Variants in LRRTM4 observed in about 807,000 individuals in gnomAD.
LRRTM4 encodes leucine-rich repeat transmembrane neuronal protein 4.
LRRTM4 carries 25 observed loss-of-function variants against 47.6 expected under a neutral mutation model. The ratio of observed to expected loss-of-function variants is 0.53; its 90% CI spans 0.38 to 0.73. LRRTM4 has a LOEUF of 0.73. Ranked by LOEUF, LRRTM4 falls within the 30% of genes least tolerant of loss-of-function variation. The probability of loss-of-function intolerance (pLI) is 0.00; values close to 1 mark genes in which losing one functional copy is unlikely to be tolerated. For synonymous variants in LRRTM4, 311 were observed against 269.5 expected (o/e 1.15, Z -1.51); for missense variants, 638 against 713.4 (o/e 0.89, Z 1.20).
At chr2:76,832,043 C>A (rs565716813) in intron 3 of LRRTM4, among the ~76,000 whole-genome samples, 1 of 152,104 alleles carries the variant, frequency 6.6e-6, no homozygotes. Context: ...GCCGGATACA[C>A]TGGAAACCCA....
chr2:77,486,203 G>C (rs1997526), intron 3 of LRRTM4, among the ~76,000 whole-genome samples: 34,567 of 152,084 alleles, frequency 0.23, 4,149 homozygotes, highest in Middle Eastern at 0.31. Flanking sequence ...ATTCAATAAA[G>C]CATTGTCATC....
chr2:77,516,535 T>C, intron 3 of LRRTM4: 2 of 834,762 alleles, frequency 2.4e-6, no homozygotes, highest in African/African-American at 1.8e-5. Flanking sequence ...TCTTTTTATA[T>C]ACCAGCCTTT....
intron 3 of LRRTM4, among the ~76,000 whole-genome samples, chr2:76,927,710 T>A (rs1056474955): frequency 6.6e-6 from 1 of 152,170 alleles, no homozygotes; most frequent in African/African-American, 2.4e-5. Flanking sequence ...TTGTGTATTA[T>A]GTCCTCAGTT....
intron 3 of LRRTM4, among the ~76,000 whole-genome samples, chr2:76,829,854 T>C (rs1223555145): frequency 1.3e-5 from 2 of 152,010 alleles, no homozygotes; most frequent in Non-Finnish European, 2.9e-5. Flanking sequence ...ATCATAACCG[T>C]CACTTAGACA....
At chr2:77,388,509 T>C (rs1012935778) in intron 3 of LRRTM4, among the ~76,000 whole-genome samples, 3 of 152,182 alleles carry the variant, frequency 2.0e-5, no homozygotes, top group African/African-American at 4.8e-5. Context: ...TTTTTTTCCA[T>C]GCAATTGTGT....
chr2:77,259,225 C>T (rs925310682), intron 3 of LRRTM4, among the ~76,000 whole-genome samples: 1 of 151,948 alleles, frequency 6.6e-6, no homozygotes. Context: ...CTGACTCTTC[C>T]AGTAACTGGC....
intron 3 of LRRTM4, among the ~76,000 whole-genome samples, chr2:77,027,811 T>C (rs1341487847): frequency 6.6e-6 from 1 of 152,142 alleles, no homozygotes; most frequent in African/African-American, 2.4e-5. Context: ...GTTTGTACAA[T>C]TTATACCAGG....
chr2:77,473,839 C>T (rs908803552), intron 3 of LRRTM4, among the ~76,000 whole-genome samples: 1 of 152,090 alleles, frequency 6.6e-6, no homozygotes, highest in African/African-American at 2.4e-5. Flanking sequence ...GCATTTTCTC[C>T]ATTTTCTTTG....
chr2:77,327,146 G>A (rs1413339623), intron 3 of LRRTM4, among the ~76,000 whole-genome samples: 3 of 152,180 alleles, frequency 2.0e-5, no homozygotes, highest in African/African-American at 4.8e-5. Context: ...CAAAAGGATA[G>A]CGGTCAAGCT....
At chr2:77,137,143 T>G (rs1458697607) in intron 3 of LRRTM4, among the ~76,000 whole-genome samples, 1 of 151,656 alleles carries the variant, frequency 6.6e-6, no homozygotes, top group Non-Finnish European at 1.5e-5. Flanking sequence ...AAGATACTCC[T>G]CAAGAAGAGC....
At chr2:77,004,258 C>T (rs567863039) in intron 3 of LRRTM4, among the ~76,000 whole-genome samples, 31 of 152,252 alleles carry the variant, frequency 2.0e-4, no homozygotes, top group African/African-American at 6.5e-4. Flanking sequence ...GCTCAGACGC[C>T]TAGGAGGGAA....
chr2:77,120,460 T>A (rs1365920427), intron 3 of LRRTM4, among the ~76,000 whole-genome samples: 2 of 151,682 alleles, frequency 1.3e-5, no homozygotes, highest in African/African-American at 4.8e-5. Flanking sequence ...AAGAAAGCAA[T>A]TTGAGAAAAT....
chr2:77,127,553 T>C (rs138877538), intron 3 of LRRTM4, among the ~76,000 whole-genome samples: 64 of 152,228 alleles, frequency 4.2e-4, no homozygotes, highest in Middle Eastern at 3.4e-3. Context: ...TATGGCACAT[T>C]TGAGATTAGA....
rs61718845 is a variant in LRRTM4 at position 77,075,914 on chromosome 2, C to CAAAAAAA, written c.1552-327005_1552-326999dup. ...TGGGCGACAGAGCGAGACTCCGTCTCAAAAAAAAAAAAAAAAAAAAAAAAA... is the reference window on the plus strand; with the variant it reads ...TGGGCGACAGAGCGAGACTCCGTCTCAAAAAAAAAAAAAAAAAAAAAAAAAAAAAAAA... On this transcript the variant is annotated intron_variant, in intron 3 of 3. Transcript: ENST00000409884. Among the ~76,000 whole-genome samples, 350 of 36,832 alleles carry CAAAAAAA rather than the reference C, an allele frequency of 9.5e-3. 33 individuals are homozygous for CAAAAAAA. The highest frequency in any genetic ancestry group is 0.016 in the African/African-American group (188 of 11,536). 24.2% of individuals were successfully genotyped at this position (36,832 alleles called of 152,430 possible).
intron 3 of LRRTM4, among the ~76,000 whole-genome samples, chr2:76,754,787 C>T (rs1465548825): frequency 6.6e-6 from 1 of 152,132 alleles, no homozygotes; most frequent in Non-Finnish European, 1.5e-5. Context: ...TTCCAGGAGC[C>T]TAACCTATCT....
intron 3 of LRRTM4, among the ~76,000 whole-genome samples, chr2:77,498,752 T>C (rs1283666279): frequency 6.6e-6 from 1 of 151,770 alleles, no homozygotes; most frequent in Non-Finnish European, 1.5e-5. Context: ...AACTAACTAT[T>C]TTTCCCATCC....
chr2:77,123,647 C>G (rs1558591478), intron 3 of LRRTM4, among the ~76,000 whole-genome samples: 1 of 151,966 alleles, frequency 6.6e-6, no homozygotes, highest in African/African-American at 2.4e-5. Flanking sequence ...GGTTTTTTCT[C>G]TTTTAAAAAT....
chr2:77,161,151 A>G (rs1672717931), intron 3 of LRRTM4, among the ~76,000 whole-genome samples: 1 of 152,042 alleles, frequency 6.6e-6, no homozygotes, highest in Non-Finnish European at 1.5e-5. Flanking sequence ...ATAACCCAGC[A>G]TTTTTTCCCA....
intron 3 of LRRTM4, among the ~76,000 whole-genome samples, chr2:76,905,926 G>A (rs1673818558): frequency 6.6e-6 from 1 of 152,108 alleles, no homozygotes; most frequent in South Asian, 2.1e-4. Context: ...CACTCTGCAG[G>A]ATATTATCCA....
Sources: gnomAD v4.1 joint callset for allele counts (sites outside exome capture counted in the v4.1 genomes callset) on GRCh38, gnomAD v4.1.1 for gene constraint, MANE v1.5 for transcripts, NCBI Gene and HGNC (gene_info 2026-07-23, HGNC 2026-07-21) for gene names.